PRKAG2: variants seen among roughly 807,000 people sequenced by gnomAD.
PRKAG2 encodes the protein protein kinase AMP-activated non-catalytic subunit gamma 2.
Under a neutral mutation model 69.6 loss-of-function variants are expected in PRKAG2, and 26 were observed. The observed-to-expected ratio is 0.37, with a 90% CI of 0.27 to 0.52. The LOEUF is 0.52. Among genes scored for constraint, PRKAG2 ranks in the 20% least tolerant of loss-of-function variants. The pLI is 0.90. For missense variants in PRKAG2, 557 were observed against 740.0 expected, an observed-to-expected ratio of 0.75 and a Z score of 2.87; for synonymous variants, 293 against 285.0, an observed-to-expected ratio of 1.03 and a Z score of -0.28.
chr7:151,570,229 T>C lies in PRKAG2; in HGVS notation c.1052-4A>G, dbSNP rs977597576. 1.0e-5 allele frequency: 16 copies of C among 1,601,678 alleles called. No individual in the cohort carries two copies. Among genetic ancestry groups the C allele is most frequent in the Non-Finnish European group, 1.4e-5 (16 of 1,171,402 alleles). Reference sequence around the variant, plus strand: ...AATGTTTCTTGTAAATAAAGCTCTGTATTTATAGAAAGAAAATATGCAGTT... The same window carrying C: ...AATGTTTCTTGTAAATAAAGCTCTGCATTTATAGAAAGAAAATATGCAGTT... On this transcript the variant is annotated splice_polypyrimidine_tract_variant and splice_region_variant and intron_variant, in intron 9 of 15. Transcript: ENST00000287878.
intron 3 of PRKAG2, among the ~76,000 whole-genome samples, chr7:151,714,319 G>A (rs1265009535): frequency 6.6e-6 from 1 of 152,112 alleles, no homozygotes; most frequent in African/African-American, 2.4e-5. Flanking sequence ...GCTTCCGAGA[G>A]AGCCGTCCTC....
At chr7:151,732,284 A>G (rs60164539) in intron 3 of PRKAG2, among the ~76,000 whole-genome samples, 3,804 of 151,982 alleles carry the variant, frequency 0.025, 145 homozygotes, top group African/African-American at 0.087. Context: ...GACTACCGAC[A>G]TGCACCACCA....
intron 8 of PRKAG2, among the ~76,000 whole-genome samples, chr7:151,572,934 G>A (rs1426305064): frequency 2.0e-5 from 3 of 152,028 alleles, no homozygotes; most frequent in Admixed American, 1.3e-4. Context: ...CCAACATGGT[G>A]AGACCTCATC....
intron 3 of PRKAG2, among the ~76,000 whole-genome samples, chr7:151,726,301 A>G (rs1055225606): frequency 3.9e-5 from 6 of 151,964 alleles, no homozygotes; most frequent in African/African-American, 1.4e-4. Context: ...GCTGGCATGC[A>G]GGGCGCCAGG....
chr7:151,738,776 G>C (rs1434070831), intron 3 of PRKAG2, among the ~76,000 whole-genome samples: 1 of 152,128 alleles, frequency 6.6e-6, no homozygotes, highest in Non-Finnish European at 1.5e-5. Context: ...TCTCTGTTGG[G>C]GCTCTCAGCT....
intron 8 of PRKAG2, 35 bp from the exon 9 acceptor site, chr7:151,572,744 A>G (rs1807881444): frequency 8.3e-7 from 1 of 1,205,472 alleles, no homozygotes. Flanking sequence ...ATAAATATAC[A>G]TATACAACAT....
At chr7:151,866,451 G>T (rs1407089727) in intron 1 of PRKAG2, among the ~76,000 whole-genome samples, 1 of 152,172 alleles carries the variant, frequency 6.6e-6, no homozygotes, top group Non-Finnish European at 1.5e-5. Context: ...AAGAGAGACG[G>T]CTCATATAAA....
At chr7:151,633,994 A>G (rs1825311277) in intron 4 of PRKAG2, among the ~76,000 whole-genome samples, 1 of 152,184 alleles carries the variant, frequency 6.6e-6, no homozygotes, top group South Asian at 2.1e-4. Context: ...CAGTGGCGCA[A>G]CCTCGGCTCA....
intron 1 of PRKAG2, among the ~76,000 whole-genome samples, chr7:151,860,861 C>T (rs372154932): frequency 1.7e-4 from 26 of 152,156 alleles, no homozygotes; most frequent in Non-Finnish European, 3.5e-4. Flanking sequence ...CTACTGGGGT[C>T]ACGTTAGGCT....
chr7:151,585,286 G>A lies in PRKAG2; in HGVS notation c.865-8834C>T, dbSNP rs534852572. Among the ~76,000 whole-genome samples the A allele has an allele frequency of 5.9e-4, 90 of 152,250 alleles. 1 individual carries two copies. Among genetic ancestry groups the A allele is most frequent in the South Asian group, 1.9e-3 (9 of 4,828 alleles). ...AAAATTTCAAGTAATACATTCCCACGCATCTTTTCTTGGGAGGTTTTATGG... is the reference window on the plus strand; with the variant it reads ...AAAATTTCAAGTAATACATTCCCACACATCTTTTCTTGGGAGGTTTTATGG... On this transcript the variant is annotated intron_variant, in intron 6 of 15. Transcript: ENST00000287878.
intron 5 of PRKAG2, among the ~76,000 whole-genome samples, chr7:151,628,107 A>G (rs1860736): frequency 0.13 from 19,054 of 152,216 alleles, 1,375 homozygotes; most frequent in African/African-American, 0.17. Context: ...GGGTAAAATC[A>G]CCACAGCAAG....
At chr7:151,689,719 G>A (rs1388479095) in intron 3 of PRKAG2, among the ~76,000 whole-genome samples, 1 of 152,174 alleles carries the variant, frequency 6.6e-6, no homozygotes, top group African/African-American at 2.4e-5. Flanking sequence ...ACTCCAACCA[G>A]GGCTCTCCTG....
At chr7:151,578,786 C>T (rs1029945) in intron 6 of PRKAG2, among the ~76,000 whole-genome samples, 54,326 of 152,012 alleles carry the variant, frequency 0.36, 10,813 homozygotes, top group African/African-American at 0.53. Context: ...AAATACACTG[C>T]TTTTGTAACT....
At chr7:151,562,244 C>CAAAAA (rs575674668) in intron 14 of PRKAG2, among the ~76,000 whole-genome samples, 5 of 38,474 alleles carry the variant, frequency 1.3e-4, no homozygotes, top group African/African-American at 1.9e-4. Flanking sequence ...GACTTTGTCT[C>CAAAAA]AAAAAAAAAA....
intron 3 of PRKAG2, among the ~76,000 whole-genome samples, chr7:151,728,387 T>C (rs1262573029): frequency 6.6e-6 from 1 of 152,108 alleles, no homozygotes; most frequent in African/African-American, 2.4e-5. Context: ...TGACCATCCT[T>C]GGGTGCCAAG....
intron 1 of PRKAG2, among the ~76,000 whole-genome samples, chr7:151,855,212 A>G (rs2079707184): frequency 1.7e-5 from 2 of 120,850 alleles, no homozygotes; most frequent in Non-Finnish European, 1.8e-5. Flanking sequence ...ACCACCCTCC[A>G]CACACACCAC....
At chr7:151,597,826 C>CCG (rs1554482798) in intron 5 of PRKAG2, among the ~76,000 whole-genome samples, 1 of 149,180 alleles carries the variant, frequency 6.7e-6, no homozygotes, top group African/African-American at 2.4e-5. Flanking sequence ...GGGAGCCCCC[C>CCG]CCCCCGCTCT....
intron 4 of PRKAG2, among the ~76,000 whole-genome samples, chr7:151,646,728 C>T (rs1827626426): frequency 1.3e-5 from 2 of 152,204 alleles, no homozygotes; most frequent in East Asian, 1.9e-4. Context: ...TTAGTTATTC[C>T]TTGGCTCATA....
chr7:151,801,461 T>C (rs2077832826), intron 1 of PRKAG2, among the ~76,000 whole-genome samples: 1 of 152,120 alleles, frequency 6.6e-6, no homozygotes, highest in Admixed American at 6.5e-5. Context: ...GGGCTCCAGA[T>C]GGAGGCCAGG....
Sources: gnomAD v4.1 joint callset for allele counts (sites outside exome capture counted in the v4.1 genomes callset) on GRCh38, gnomAD v4.1.1 for gene constraint, MANE v1.5 for transcripts, NCBI Gene and HGNC (gene_info 2026-07-23, HGNC 2026-07-21) for gene names.